Variants in PALLD observed in about 807,000 individuals in gnomAD.
PALLD encodes the protein palladin.
In PALLD, 61 loss-of-function variants were observed where a neutral mutation model predicts 123.5. That is an observed-to-expected ratio of 0.49 (90% confidence interval 0.40 to 0.61). The LOEUF (loss-of-function observed/expected upper bound fraction) is 0.61. PALLD is among the 20% of genes least tolerant of loss of function. The probability of loss-of-function intolerance (pLI) is 0.00; values close to 1 mark genes in which losing one functional copy is unlikely to be tolerated. For synonymous variants in PALLD, 465 were observed against 496.4 expected, an observed-to-expected ratio of 0.94 and a Z score of 0.84; for missense variants, 1,273 against 1,377.0, an observed-to-expected ratio of 0.92 and a Z score of 1.20.
Position 168,644,389 on chromosome 4 carries a change from G to A in PALLD, c.909-23801G>A, listed in dbSNP as rs1003494293. 3.3e-5 allele frequency among the ~76,000 whole-genome samples: 5 copies of A among 152,216 alleles called. No homozygotes were observed. In the East Asian group the frequency reaches 5.8e-4, roughly 18 times the overall value. On this transcript the variant is annotated intron_variant, in intron 2 of 21. Coordinates refer to ENST00000505667, the MANE Select transcript of PALLD (RefSeq NM_001166108.2). ...CAGGCGTGAGCCACTGCACGTGGCC[G>A]GATGTTGATATCTTTCAAACATTTA... is the stretch of plus-strand genomic sequence containing the variant.
chr4:168,711,409 G>A (rs1221889401), intron 9 of PALLD, among the ~76,000 whole-genome samples, 172 bp from the exon 10 acceptor site: 2 of 152,214 alleles, frequency 1.3e-5, no homozygotes, highest in African/African-American at 4.8e-5. Context: ...AAGCTTGAAA[G>A]AACCAGGCCC....
intron 10 of PALLD, among the ~76,000 whole-genome samples, chr4:168,825,930 A>C (rs1304163984): frequency 6.6e-6 from 1 of 152,230 alleles, no homozygotes; most frequent in Non-Finnish European, 1.5e-5. Context: ...CACTGGGATT[A>C]ACGTAAAATC....
chr4:168,600,084 T>TAC (rs1561291392), intron 2 of PALLD, among the ~76,000 whole-genome samples: 40 of 107,596 alleles, frequency 3.7e-4, no homozygotes, highest in African/African-American at 1.2e-3. Context: ...CACACACATA[T>TAC]ATACATGCAT....
chr4:168,548,503 A>G (rs1272635245), intron 2 of PALLD, among the ~76,000 whole-genome samples: 1 of 152,210 alleles, frequency 6.6e-6, no homozygotes, highest in Non-Finnish European at 1.5e-5. Flanking sequence ...AGTTAAATCT[A>G]AAGAGATTCC....
At chr4:168,533,149 A>G (rs952324503) in intron 2 of PALLD, among the ~76,000 whole-genome samples, 7 of 152,154 alleles carry the variant, frequency 4.6e-5, no homozygotes, top group Admixed American at 2.0e-4. Flanking sequence ...GAGTTGAGGG[A>G]GAAGACTGGC....
intron 10 of PALLD, among the ~76,000 whole-genome samples, chr4:168,828,140 C>T (rs1743679982): frequency 6.6e-6 from 1 of 152,218 alleles, no homozygotes; most frequent in Non-Finnish European, 1.5e-5. Flanking sequence ...ACATTGATCA[C>T]TCTGAGGAAA....
At chr4:168,685,605 A>C in intron 6 of PALLD, 46 bp downstream of exon 6, 3 of 1,277,912 alleles carry the variant, frequency 2.3e-6, no homozygotes, top group Non-Finnish European at 3.4e-6. Flanking sequence ...TTTGGTCCTT[A>C]AATTTCATTT....
At chr4:168,889,511 A>T (rs950752329) in intron 10 of PALLD, among the ~76,000 whole-genome samples, 6 of 152,110 alleles carry the variant, frequency 3.9e-5, no homozygotes, top group African/African-American at 7.2e-5. Context: ...GAACTATGTA[A>T]TATAAATAAG....
At chr4:168,867,884 T>C (rs775920924) in intron 10 of PALLD, among the ~76,000 whole-genome samples, 5 of 150,978 alleles carry the variant, frequency 3.3e-5, no homozygotes, top group Non-Finnish European at 5.9e-5. Context: ...TAAGAGACCA[T>C]TTGAACTAAT....
intron 10 of PALLD, chr4:168,832,050 C>G (rs1161955703): frequency 2.0e-6 from 2 of 985,308 alleles, no homozygotes; most frequent in East Asian, 1.1e-4. Flanking sequence ...TCCTGAGTCA[C>G]CCGGCGGGCG....
intron 2 of PALLD, chr4:168,654,619 A>T (rs1472102409): frequency 1.3e-5 from 2 of 152,246 alleles, no homozygotes; most frequent in Admixed American, 6.5e-5. Flanking sequence ...AAACCAACTG[A>T]AATGAAACAT....
intron 8 of PALLD, among the ~76,000 whole-genome samples, chr4:168,694,751 G>A (rs1782979977): frequency 6.6e-6 from 1 of 152,222 alleles, no homozygotes; most frequent in South Asian, 2.1e-4. Flanking sequence ...TCTGTCTGAT[G>A]TGTTTTACAC....
At chr4:168,607,342 G>T (rs1773282702) in intron 2 of PALLD, among the ~76,000 whole-genome samples, 1 of 152,100 alleles carries the variant, frequency 6.6e-6, no homozygotes, top group African/African-American at 2.4e-5. Flanking sequence ...CAATGACAGA[G>T]GGAACTGGGA....
intron 2 of PALLD, among the ~76,000 whole-genome samples, chr4:168,543,430 C>T (rs1765838513): frequency 6.6e-6 from 1 of 151,342 alleles, no homozygotes; most frequent in African/African-American, 2.4e-5. Context: ...AAATGGGCAT[C>T]TAGTTTAATG....
chr4:168,828,710 G>T (rs770820348), intron 10 of PALLD, among the ~76,000 whole-genome samples: 3 of 152,174 alleles, frequency 2.0e-5, no homozygotes, highest in Non-Finnish European at 2.9e-5. Context: ...CAAATACTTG[G>T]CGAATTGAGC....
chr4:168,918,072 A>C (rs531096146), intron 17 of PALLD, among the ~76,000 whole-genome samples: 5 of 152,016 alleles, frequency 3.3e-5, no homozygotes, highest in African/African-American at 7.2e-5. Flanking sequence ...GGTGGCATGC[A>C]TCTGTAGTCC....
Position 168,867,057 on chromosome 4 carries a change from C to T in PALLD, c.1965-23865C>T, listed in dbSNP as rs559285918. Among the ~76,000 whole-genome samples the T allele has an allele frequency of 1.1e-4, 16 of 152,328 alleles. No homozygotes were observed. The East Asian group carries it at 3.1e-3, about 29-fold the overall frequency. ...GTCATGGTCATGAGCCAGAGCTCCTCAGTTTAAATCCCGTCTCCACTTCTT... is the reference window on the plus strand; with the variant it reads ...GTCATGGTCATGAGCCAGAGCTCCTTAGTTTAAATCCCGTCTCCACTTCTT... On this transcript the variant is annotated intron_variant, in intron 10 of 21. Transcript: ENST00000505667.
At chr4:168,559,230 G>A (rs891480805) in intron 2 of PALLD, among the ~76,000 whole-genome samples, 17 of 152,124 alleles carry the variant, frequency 1.1e-4, no homozygotes, top group African/African-American at 4.1e-4. Context: ...GTCACTTCAT[G>A]TTGACTGTTT....
At chr4:168,652,622 CA>C (rs1157344506) in intron 2 of PALLD, among the ~76,000 whole-genome samples, 1 of 152,118 alleles carries the variant, frequency 6.6e-6, no homozygotes, top group Non-Finnish European at 1.5e-5. Flanking sequence ...AACTTTAGTA[CA>C]AAGGAAGTTA....
Sources: gnomAD v4.1 joint callset for allele counts (sites outside exome capture counted in the v4.1 genomes callset) on GRCh38, gnomAD v4.1.1 for gene constraint, MANE v1.5 for transcripts, NCBI Gene and HGNC (gene_info 2026-07-23, HGNC 2026-07-21) for gene names.